Variants in USP24 observed in about 807,000 individuals in gnomAD.
The protein encoded by USP24 is ubiquitin carboxyl-terminal hydrolase 24.
In USP24, 97 loss-of-function variants were observed where a neutral mutation model predicts 361.6. The ratio of observed to expected loss-of-function variants is 0.27; its 90% CI spans 0.23 to 0.32. USP24 has a LOEUF of 0.32. USP24 is among the 10% of genes least tolerant of loss of function. USP24 has a pLI of 1.00. For synonymous variants in USP24, 1,098 were observed against 1,124.6 expected, an observed-to-expected ratio of 0.98 and a Z score of 0.47; for missense variants, 2,353 against 3,165.6, an observed-to-expected ratio of 0.74 and a Z score of 6.16.
intron 1 of USP24, among the ~76,000 whole-genome samples, chr1:55,203,541 T>C (rs1288238100): frequency 1.3e-5 from 2 of 152,362 alleles, no homozygotes; most frequent in East Asian, 3.9e-4. Context: ...CTACAGATAA[T>C]TGTGCTGTTT....
chr1:55,079,187 A>G (rs766580302), intron 60 of USP24, among the ~76,000 whole-genome samples: 1 of 152,132 alleles, frequency 6.6e-6, no homozygotes, highest in Non-Finnish European at 1.5e-5. Flanking sequence ...GAGGTTTAAC[A>G]ACACACGTGG....
chr1:55,125,214 G>T, intron 34 of USP24, 106 bp downstream of exon 34: 1 of 1,063,000 alleles, frequency 9.4e-7, no homozygotes, highest in Non-Finnish European at 1.4e-6. Context: ...TTTCTTGAAG[G>T]CAATATTCAT....
chr1:55,131,923 C>G (rs1233398774), intron 31 of USP24, among the ~76,000 whole-genome samples: 1 of 152,132 alleles, frequency 6.6e-6, no homozygotes, highest in Non-Finnish European at 1.5e-5. Context: ...TCTCCAAGAG[C>G]AGAACTGATT....
At chr1:55,138,852 G>A in intron 25 of USP24, 92 bp downstream of exon 25, 2 of 1,404,846 alleles carry the variant, frequency 1.4e-6, no homozygotes, top group Non-Finnish European at 2.0e-6. Context: ...GGTGGTGTGT[G>A]CTAAACTCCC....
At chr1:55,089,789 A>G (rs1481374016) in intron 54 of USP24, 49 bp from the exon 55 acceptor site, 2 of 1,320,498 alleles carry the variant, frequency 1.5e-6, no homozygotes, top group East Asian at 2.5e-5. Flanking sequence ...AGCCCAGCCA[A>G]TGACCTCATG....
At chr1:55,076,159 T>A (rs1400304352) in intron 62 of USP24, among the ~76,000 whole-genome samples, 1 of 152,246 alleles carries the variant, frequency 6.6e-6, no homozygotes, top group Non-Finnish European at 1.5e-5. Flanking sequence ...TACTTTATGA[T>A]CCTAAGGATA....
At chr1:55,171,824 AGT>A in intron 4 of USP24, 146 bp from the exon 5 acceptor site, 1 of 868,226 alleles carries the variant, frequency 1.2e-6, no homozygotes, top group South Asian at 1.9e-5. Context: ...CGCCTTAGCT[AGT>A]GCAAAAGTGC....
At chr1:55,079,202 G>A (rs573205253) in intron 60 of USP24, among the ~76,000 whole-genome samples, 1 of 152,244 alleles carries the variant, frequency 6.6e-6, no homozygotes, top group Admixed American at 6.5e-5. Context: ...ACGTGGTTCA[G>A]AGTTGTAGTA....
At chr1:55,191,002 GA>G (rs915128906) in intron 1 of USP24, among the ~76,000 whole-genome samples, 1 of 152,074 alleles carries the variant, frequency 6.6e-6, no homozygotes, top group Non-Finnish European at 1.5e-5. Context: ...ATTTAAAATT[GA>G]AAAATAATTT....
At position 55,142,723 on chromosome 1, in the gene USP24, A is replaced by C; in HGVS notation, c.2634+19T>G. Reference sequence around the variant, plus strand: ...AAGCATTTACCTCAAAGAGATGTTAAATAAAATTTGCTACTCACTTCTAAT... The same window carrying C: ...AAGCATTTACCTCAAAGAGATGTTACATAAAATTTGCTACTCACTTCTAAT... On this transcript the variant is annotated intron_variant, in intron 23 of 67. Transcript: ENST00000294383. 6.8e-7 allele frequency: 1 copy of C among 1,459,968 alleles called. No individual in the cohort carries two copies. Among genetic ancestry groups the C allele is most frequent in the Non-Finnish European group, 9.2e-7 (1 of 1,085,426 alleles). 90.4% of individuals were successfully genotyped at this position (1,459,968 alleles called of 1,614,324 possible).
At chr1:55,140,860 G>A (rs1287486035) in intron 24 of USP24, among the ~76,000 whole-genome samples, 1 of 152,106 alleles carries the variant, frequency 6.6e-6, no homozygotes, top group African/African-American at 2.4e-5. Flanking sequence ...TCCATCTAAT[G>A]TTCCAAATTA....
chr1:55,160,205 A>G (rs1648130068), intron 8 of USP24, among the ~76,000 whole-genome samples: 1 of 152,246 alleles, frequency 6.6e-6, no homozygotes, highest in Non-Finnish European at 1.5e-5. Context: ...TAATACATCT[A>G]AATTACCACT....
At chr1:55,200,442 G>C (rs576414104) in intron 1 of USP24, among the ~76,000 whole-genome samples, 13 of 152,194 alleles carry the variant, frequency 8.5e-5, no homozygotes, top group African/African-American at 1.7e-4. Context: ...AGCCAGAAGA[G>C]AGCCAAAGAC....
rs746530652 is a variant in USP24, at chr1:55,176,429, C to T, written c.505G>A (p.Asp169Asn). The T allele has an allele frequency of 3.2e-6, 5 of 1,570,304 alleles. No individual in the cohort carries two copies. The Admixed American group carries it at 5.6e-5, about 18-fold the overall frequency. The change falls in exon 3 of 68, where the codon GAT (aspartate) becomes AAT (asparagine). Residue 169 changes from aspartate to asparagine, a missense_variant. This residue lies in a region of USP24 where 253 missense variants were observed against 255.3 expected (regional missense o/e 0.99). Transcript: ENST00000294383. ...YLARLGLSES[D>N]ENCRRFMDRC... ...TCCATAAACCTTCTACAATTCTCATCAGACTCGGAAAGACCTTAGTAAAAT... is the reference window on the plus strand; with the variant it reads ...TCCATAAACCTTCTACAATTCTCATTAGACTCGGAAAGACCTTAGTAAAAT...
At chr1:55,181,331 G>A (rs986164755) in intron 1 of USP24, among the ~76,000 whole-genome samples, 3 of 152,116 alleles carry the variant, frequency 2.0e-5, no homozygotes, top group African/African-American at 7.2e-5. Context: ...AATGTAAATT[G>A]GACAAGGGTA....
chr1:55,153,771 C>T, intron 16 of USP24, 99 bp downstream of exon 16: 34 of 1,249,248 alleles, frequency 2.7e-5, no homozygotes, highest in Non-Finnish European at 3.8e-5. Context: ...CATTAAGAAA[C>T]ACTAAAACAT....
intron 38 of USP24, among the ~76,000 whole-genome samples, chr1:55,117,057 A>C (rs1646136329): frequency 6.6e-6 from 1 of 152,228 alleles, no homozygotes; most frequent in Non-Finnish European, 1.5e-5. Flanking sequence ...ATGTAATCTC[A>C]TATTAAGGGA....
chr1:55,104,294 AAG>A (rs2100520974), intron 41 of USP24, among the ~76,000 whole-genome samples: 1 of 152,304 alleles, frequency 6.6e-6, no homozygotes, highest in South Asian at 2.1e-4. Context: ...ATGGAGGAGA[AAG>A]AGTAAAGAGA....
chr1:55,185,502 A>G (rs775370365), intron 1 of USP24, among the ~76,000 whole-genome samples: 4 of 152,126 alleles, frequency 2.6e-5, no homozygotes, highest in Non-Finnish European at 5.9e-5. Flanking sequence ...ACTGACAAAG[A>G]GAAAAAGAAA....
Sources: gnomAD v4.1 joint callset for allele counts (sites outside exome capture counted in the v4.1 genomes callset) on GRCh38, gnomAD v4.1.1 for gene constraint, gnomAD v4.1.1 regional missense constraint, MANE v1.5 for transcripts, NCBI Gene and HGNC (gene_info 2026-07-23, HGNC 2026-07-21) for gene names.